C8orf74: variants seen among roughly 807,000 people sequenced by gnomAD.
C8orf74 encodes the protein uncharacterized protein C8orf74.
A neutral mutation model predicts 22.2 loss-of-function variants in C8orf74; 29 were observed. That is an observed-to-expected ratio of 1.31 (90% CI 0.97 to 1.78). C8orf74 has a LOEUF of 1.78. Ranked by LOEUF, C8orf74 falls within the 40% of genes most tolerant of loss-of-function variation. The pLI, the probability that C8orf74 is intolerant of heterozygous loss-of-function variation, is 0.00. For missense variants in C8orf74, 515 were observed against 369.9 expected, an observed-to-expected ratio of 1.39 and a Z score of -3.22; for synonymous variants, 255 against 163.1, an observed-to-expected ratio of 1.56 and a Z score of -4.30.
chr8:10,688,970 CA>C (rs1388843244), intron 2 of C8orf74: 6 of 152,308 alleles, frequency 3.9e-5, no homozygotes, highest in Non-Finnish European at 8.8e-5. Flanking sequence ...AGGCCGTGGA[CA>C]GCAGGTCAGC....
chr8:10,680,585 G>C (rs963735357), intron 2 of C8orf74, among the ~76,000 whole-genome samples: 2 of 152,204 alleles, frequency 1.3e-5, no homozygotes, highest in African/African-American at 4.8e-5. Flanking sequence ...ACCCTTTCTT[G>C]TCTTGCCTTC....
Position 10,695,450 on chromosome 8 carries a change from CT to C in C8orf74, c.242-2148del, listed in dbSNP as rs557438690. Reference sequence around the variant, plus strand: ...TGGAGCAGTCCCTCCTTCCCTCCCCCTGGAGGCTGAGATTGCCAGAATCCAG... The same window carrying C: ...TGGAGCAGTCCCTCCTTCCCTCCCCCGGAGGCTGAGATTGCCAGAATCCAG... On this transcript the variant is annotated intron_variant, in intron 2 of 3. Coordinates refer to ENST00000304519, the MANE Select transcript of C8orf74 (RefSeq NM_001040032.2). 6.4e-3 allele frequency among the ~76,000 whole-genome samples: 969 copies of C among 152,284 alleles called. 8 individuals carry two copies. Among genetic ancestry groups the C allele is most frequent in the African/African-American group, 0.022 (917 of 41,554 alleles).
At chr8:10,685,337 G>A (rs553914045) in intron 2 of C8orf74, among the ~76,000 whole-genome samples, 10 of 152,310 alleles carry the variant, frequency 6.6e-5, no homozygotes, top group African/African-American at 2.4e-4. Context: ...GGAGGTGTTT[G>A]TACATCCATG....
At position 10,681,819 on chromosome 8, in the gene C8orf74, A is replaced by T. The variant is rs143563907; in HGVS notation, c.241+6981A>T. Among the ~76,000 whole-genome samples the T allele has an allele frequency of 1.9e-3, 296 of 152,258 alleles. 1 individual carries two copies. Among genetic ancestry groups the T allele is most frequent in the African/African-American group, 6.9e-3 (285 of 41,554 alleles). On this transcript the variant is annotated intron_variant, in intron 2 of 3. Transcript: ENST00000304519. ...GGCGGGACTTGTGACCGGTCAGTGG[A>T]GGCACAGGGCAGCCGGGTGAGTGCC...
chr8:10,674,632 G>GTCATTCCC lies in C8orf74; in HGVS notation c.49-12_49-5dup, dbSNP rs758181198. 1.3e-6 allele frequency: 2 copies of GTCATTCCC among 1,594,744 alleles called. No homozygotes were observed. Among genetic ancestry groups the GTCATTCCC allele is most frequent in the South Asian group, 2.3e-5 (2 of 87,610 alleles). On this transcript the variant is annotated splice_polypyrimidine_tract_variant and intron_variant, in intron 1 of 3. Coordinates refer to ENST00000304519, the MANE Select transcript of C8orf74 (RefSeq NM_001040032.2). ...CCACATCATACCCTGCAGTTCCCATGTCATTCCCTGCAGAGACCACAAGGT... is the reference window on the plus strand; with the variant it reads ...CCACATCATACCCTGCAGTTCCCATGTCATTCCCTCATTCCCTGCAGAGACCACAAGGT...
At chr8:10,684,198 G>T (rs963299538) in intron 2 of C8orf74, among the ~76,000 whole-genome samples, 17 of 152,238 alleles carry the variant, frequency 1.1e-4, no homozygotes, top group African/African-American at 3.6e-4. Context: ...TAATTCAACT[G>T]AAGTTCAGAG....
rs116653093 is a variant in C8orf74, at chr8:10,700,211, A to G, written c.649-24A>G. 1.8e-3 allele frequency: 2,702 copies of G among 1,525,860 alleles called. 43 individuals carry two copies. The African/African-American group carries it at 0.033, about 18-fold the overall frequency. The allele number at this position is 1,525,860 out of a possible 1,614,324, so 94.5% of individuals were successfully genotyped here. A position where few individuals can be genotyped will look rare whatever the true frequency, so the allele number is the denominator to read the frequency against. The stretch of plus-strand genomic sequence containing the variant: ...CCGGCGAGGCTCCCCAGCCCTGCTC[A>G]TCGGCCTTCCCCTTTCCTTCCAGGA... On this transcript the variant is annotated intron_variant, in intron 3 of 3. Coordinates refer to ENST00000304519, the MANE Select transcript of C8orf74 (RefSeq NM_001040032.2).
intron 2 of C8orf74, chr8:10,690,853 G>A (rs867445112): frequency 2.2e-6 from 1 of 455,632 alleles, no homozygotes. Flanking sequence ...CTCCACTCGT[G>A]CTGCATATCC....
In C8orf74 at chr8:10,674,679, C is replaced by T; in HGVS notation, c.82C>T (p.Leu28=). The part of the protein sequence containing the change: ...PQGRERLRRL[L]NWEEFDEQRD... ...AGGTCGGGAGCGCCTGCGGAGGCTT[C>T]TGAACTGGGAGGAGTTTGACGAACA... is the stretch of plus-strand genomic sequence containing the variant. The change falls in exon 2 of 4, where the codon CTG becomes TTG. Residue 28 remains leucine (L), a synonymous_variant. Coordinates refer to ENST00000304519, the MANE Select transcript of C8orf74 (RefSeq NM_001040032.2). 6.2e-7 allele frequency: 1 copy of T among 1,610,476 alleles called. No homozygotes were observed. Among genetic ancestry groups the T allele is most frequent in the Non-Finnish European group, 8.5e-7 (1 of 1,178,434 alleles).
intron 2 of C8orf74, chr8:10,691,781 T>G (rs1293939943): frequency 6.6e-6 from 1 of 152,308 alleles, no homozygotes; most frequent in East Asian, 1.9e-4. Flanking sequence ...ACGCTATCCT[T>G]GGAGGTCCTG....
Position 10,700,477 on chromosome 8 carries a change from C to T in C8orf74, c.*6C>T. 1 of 1,538,890 alleles carries T rather than the reference C, an allele frequency of 6.5e-7. No homozygotes were observed. The highest frequency in any genetic ancestry group is 2.4e-5 in the East Asian group (1 of 42,350). Reference sequence around the variant, plus strand: ...AAGCGAAGGCAAGGAAGTAGAAGGTCCCGACTGCCACACGAGACTGACTGG... The same window carrying T: ...AAGCGAAGGCAAGGAAGTAGAAGGTTCCGACTGCCACACGAGACTGACTGG... On this transcript the variant is annotated 3_prime_UTR_variant, in exon 4 of 4. Transcript: ENST00000304519.
chr8:10,684,723 T>C (rs1024230823), intron 2 of C8orf74, among the ~76,000 whole-genome samples: 2 of 152,230 alleles, frequency 1.3e-5, no homozygotes, highest in African/African-American at 4.8e-5. Flanking sequence ...TCTTACGTAG[T>C]TCTTAGAAAC....
chr8:10,697,012 T>A (rs1185917710), intron 2 of C8orf74, among the ~76,000 whole-genome samples: 3 of 150,030 alleles, frequency 2.0e-5, no homozygotes, highest in African/African-American at 7.4e-5. Context: ...TATACTGAGA[T>A]CATATAATCA....
intron 2 of C8orf74, among the ~76,000 whole-genome samples, chr8:10,679,585 G>A (rs1799104653): frequency 6.6e-6 from 1 of 152,156 alleles, no homozygotes; most frequent in African/African-American, 2.4e-5. Context: ...CTCCCCTCCT[G>A]ACTAAGCCTC....
chr8:10,700,245 G>A lies in C8orf74; in HGVS notation c.659G>A (p.Ser220Asn), dbSNP rs200464332. ...GQVLERQELE[S>N]LICQAVHTQM... ...CCCCTTTCCTTCCAGGAGTTGGAGA[G>A]CCTCATCTGCCAGGCAGTCCACACC... Residue 220 changes from serine to asparagine, a missense_variant, in exon 4 of 4, where the codon AGC (serine) becomes AAC (asparagine). Physicochemically the swap from Ser to Asn is conservative, Grantham distance 46 (BLOSUM62 1). Coordinates refer to ENST00000304519, the MANE Select transcript of C8orf74 (RefSeq NM_001040032.2). 172 of 1,597,594 alleles carry A rather than the reference G, an allele frequency of 1.1e-4. No individual in the cohort carries two copies. In the African/African-American group the frequency reaches 1.8e-3, roughly 17 times the overall value.
At chr8:10,677,908 G>A (rs950770840) in intron 2 of C8orf74, among the ~76,000 whole-genome samples, 1 of 152,146 alleles carries the variant, frequency 6.6e-6, no homozygotes, top group Non-Finnish European at 1.5e-5. Flanking sequence ...TGGCGATTTC[G>A]AATACACCTG....
At chr8:10,678,793 C>T (rs993495532) in intron 2 of C8orf74, among the ~76,000 whole-genome samples, 2 of 152,134 alleles carry the variant, frequency 1.3e-5, no homozygotes, top group East Asian at 3.9e-4. Context: ...GGGTGCAGAG[C>T]CCCACGACAG....
chr8:10,675,780 T>G (rs1184882084), intron 2 of C8orf74: 2 of 152,206 alleles, frequency 1.3e-5, no homozygotes, highest in African/African-American at 4.8e-5. Context: ...AGTAGGACCA[T>G]GGCTCAAAGT....
At chr8:10,682,797 T>C (rs1034918695) in intron 2 of C8orf74, among the ~76,000 whole-genome samples, 7 of 152,322 alleles carry the variant, frequency 4.6e-5, no homozygotes, top group East Asian at 1.9e-4. Context: ...GACGGGGCCA[T>C]AGAAACCTTC....
Sources: allele counts gnomAD v4.1 joint callset (sites outside exome capture counted in the v4.1 genomes callset), GRCh38; gene constraint gnomAD v4.1.1; transcripts MANE v1.5; gene names NCBI Gene and HGNC (gene_info 2026-07-23, HGNC 2026-07-21).